The following PRR5 variants were observed in gnomAD, a reference collection of about 807,000 sequenced individuals.
PRR5 encodes proline-rich protein 5.
In PRR5, 25 loss-of-function variants were observed where a neutral mutation model predicts 30.6. The ratio of observed to expected loss-of-function variants is 0.82; its 90% CI spans 0.60 to 1.14. PRR5 has a LOEUF of 1.14. PRR5 is among the 50% of genes most tolerant of loss of function. The pLI, the probability that PRR5 is intolerant of heterozygous loss-of-function variation, is 0.00. For missense variants in PRR5, 600 were observed against 547.1 expected (o/e 1.10, Z -0.96); for synonymous variants, 286 against 247.1 (o/e 1.16, Z -1.48).
upstream of PRR5, among the ~76,000 whole-genome samples, chr22:44,699,388 C>G (rs1217688052): frequency 1.3e-5 from 2 of 152,258 alleles, no homozygotes; most frequent in African/African-American, 2.4e-5. Context: ...TGAGAGCCAG[C>G]CTCCGGCGTG....
At chr22:44,734,896 A>G in intron 6 of PRR5, 131 bp from the exon 7 acceptor site, 1 of 1,309,662 alleles carries the variant, frequency 7.6e-7, no homozygotes, top group Non-Finnish European at 1.1e-6. Flanking sequence ...CCATGGGGAC[A>G]GAGAGCCTGT....
At chr22:44,701,716 C>G (rs1234962693), upstream of PRR5, among the ~76,000 whole-genome samples, 6 of 152,206 alleles carry the variant, frequency 3.9e-5, no homozygotes, top group East Asian at 1.9e-4. Context: ...AGGCTGAGCC[C>G]GGGTGGAGTG....
rs142846396 is a variant in PRR5, at chr22:44,717,851, G to A, written c.215+3180G>A. 4.8e-3 allele frequency among the ~76,000 whole-genome samples: 726 copies of A among 152,042 alleles called. 17 individuals are homozygous for A. The East Asian group carries it at 0.05, about 11-fold the overall frequency. ...CTGCCTCGGCTTCCTGAGTAGCTGG[G>A]ATTACAGGCATGTGCCACCACGACC... On this transcript the variant is annotated intron_variant, in intron 2 of 7. Coordinates refer to ENST00000336985, the MANE Select transcript of PRR5 (RefSeq NM_181333.4).
In PRR5 at chr22:44,714,651, C is replaced by A. The variant is rs757714736; in HGVS notation, c.195C>A (p.Phe65Leu). ...AGGGGCTGCCCGACCAGGAGCTCTT[C>A]AGCCTCAACGAGGGCGTCCGGTGAG... Reference protein sequence around the residue: ...QRKGLPDQELFSLNEGVRQLL... With the variant: ...QRKGLPDQELLSLNEGVRQLL... The change falls in exon 2 of 8, where the codon TTC becomes TTA. Residue 65 changes from phenylalanine (F) to leucine (L), a missense_variant. Physicochemically the swap from Phe to Leu is conservative, Grantham distance 22 (BLOSUM62 0). Transcript: ENST00000336985. The A allele has an allele frequency of 6.2e-7, 1 of 1,613,896 alleles. No individual in the cohort carries two copies. The highest frequency in any genetic ancestry group is 8.5e-7 in the Non-Finnish European group (1 of 1,180,006).
At chr22:44,730,373 A>ACGTCCTTGGACTGTG in intron 4 of PRR5, 1 of 984,880 alleles carries the variant, frequency 1.0e-6, no homozygotes, top group South Asian at 4.7e-5. Context: ...CCTTGGGGAC[A>ACGTCCTTGGACTGTG]CGTCCTTGGA....
At chr22:44,707,785 C>G (rs1927471548) in intron 1 of PRR5, among the ~76,000 whole-genome samples, 1 of 152,206 alleles carries the variant, frequency 6.6e-6, no homozygotes, top group African/African-American at 2.4e-5. Flanking sequence ...CACACCAACA[C>G]AGACCCCTCC....
At chr22:44,725,114 T>TA (rs1930481005) in intron 2 of PRR5, 130 bp from the exon 3 acceptor site, 5 of 1,371,898 alleles carry the variant, frequency 3.6e-6, no homozygotes, top group Non-Finnish European at 5.0e-6. Context: ...ACCTGTCCAC[T>TA]ACCCATGTTT....
chr22:44,732,783 GCACATACTACATGTGCA>G (rs540869027), intron 6 of PRR5, among the ~76,000 whole-genome samples: 21,941 of 143,500 alleles, frequency 0.15, 2,349 homozygotes, highest in African/African-American at 0.29. Context: ...CTGTGTGCAC[GCACATACTACATGTGCA>G]CACGCATACA....
In PRR5 at chr22:44,731,747, T is replaced by G. The variant is rs1156346611; in HGVS notation, c.340T>G (p.Ser114Ala). 1.9e-6 allele frequency: 3 copies of G among 1,613,662 alleles called. No individual in the cohort carries two copies. The highest frequency in any genetic ancestry group is 3.3e-5 in the Admixed American group (2 of 60,006). ...RFYEGQKLLD[S>A]LAETWDFFFS... ...GCCCACAGGACAGAAGCTGCTGGAC[T>G]CACTGGCAGAGACCTGGGACTTCTT... The change falls in exon 5 of 8, where the codon TCA becomes GCA. Residue 114 changes from serine (S) to alanine (A), a missense_variant. By Grantham distance (99) the Ser-to-Ala change is moderately conservative. Transcript: ENST00000336985.
intron 1 of PRR5, among the ~76,000 whole-genome samples, chr22:44,680,364 C>A (rs887186139): frequency 1.3e-5 from 2 of 152,170 alleles, no homozygotes; most frequent in East Asian, 1.9e-4. Flanking sequence ...GTCCCTCCCC[C>A]ACCCTAAAGT....
chr22:44,731,149 A>C, intron 4 of PRR5: 1 of 274,064 alleles, frequency 3.6e-6, no homozygotes, highest in Non-Finnish European at 7.2e-6. Context: ...TGTGCCAGGC[A>C]CACCTGTGTG....
chr22:44,721,550 C>A (rs563199464), intron 2 of PRR5, among the ~76,000 whole-genome samples: 3 of 152,246 alleles, frequency 2.0e-5, no homozygotes, highest in Non-Finnish European at 2.9e-5. Flanking sequence ...TTTCATCTGC[C>A]GTGTAGAAAA....
At chr22:44,718,840 G>A (rs923577980) in intron 2 of PRR5, among the ~76,000 whole-genome samples, 1 of 152,034 alleles carries the variant, frequency 6.6e-6, no homozygotes, top group Admixed American at 6.6e-5. Context: ...TTTTCAGTTG[G>A]GTTATTTGTC....
At chr22:44,699,851 G>T (rs1318757475), upstream of PRR5, among the ~76,000 whole-genome samples, 3 of 152,160 alleles carry the variant, frequency 2.0e-5, no homozygotes, top group East Asian at 5.8e-4. Context: ...CAAGGATCTG[G>T]GCTTTATCCT....
intron 2 of PRR5, among the ~76,000 whole-genome samples, chr22:44,724,939 C>A (rs1267414169): frequency 4.6e-5 from 7 of 152,170 alleles, no homozygotes; most frequent in Non-Finnish European, 1.0e-4. Context: ...CCAGGTGTCT[C>A]TCCAGAAGGT....
chr22:44,726,443 TG>T, intron 3 of PRR5, 133 bp from the exon 4 acceptor site: 1 of 1,296,580 alleles, frequency 7.7e-7, no homozygotes, highest in Non-Finnish European at 1.1e-6. Context: ...AGGTGGACTG[TG>T]GGACCTCAGT....
chr22:44,732,139 G>T, intron 5 of PRR5, 112 bp from the exon 6 acceptor site: 12 of 1,517,884 alleles, frequency 7.9e-6, no homozygotes, highest in Non-Finnish European at 1.1e-5. Context: ...ACGGGGTGGA[G>T]GGGCCTGAGG....
intron 1 of PRR5, chr22:44,679,374 T>C (rs1174296649): frequency 6.5e-6 from 1 of 154,274 alleles, no homozygotes; most frequent in Non-Finnish European, 1.4e-5. Flanking sequence ...CGAGCGTGCA[T>C]TGAGAGCCCA....
intron 1 of PRR5, among the ~76,000 whole-genome samples, chr22:44,671,843 C>T (rs1040435732): frequency 1.3e-5 from 2 of 152,342 alleles, no homozygotes; most frequent in East Asian, 3.9e-4. Context: ...GCACTCTAGG[C>T]TGTAGGCTGC....
Sources: allele counts gnomAD v4.1 joint callset (sites outside exome capture counted in the v4.1 genomes callset), GRCh38; gene constraint gnomAD v4.1.1; transcripts MANE v1.5; gene names NCBI Gene and HGNC (gene_info 2026-07-23, HGNC 2026-07-21).